ANKHD1: variants seen among roughly 807,000 people sequenced by gnomAD.
ANKHD1 encodes the protein ankyrin repeat and KH domain containing 1.
In ANKHD1, 31 loss-of-function variants were observed where a neutral mutation model predicts 230.5. The ratio of observed to expected loss-of-function variants is 0.13; its 90% CI spans 0.10 to 0.18. The LOEUF (loss-of-function observed/expected upper bound fraction) is 0.18, where lower values mean the gene tolerates loss of function less well. Among genes scored for constraint, ANKHD1 ranks in the 10% least tolerant of loss-of-function variants. The pLI is 1.00. For missense variants in ANKHD1, 2,256 were observed against 3,071.3 expected, an observed-to-expected ratio of 0.73 and a Z score of 6.27; for synonymous variants, 1,074 against 1,117.6, an observed-to-expected ratio of 0.96 and a Z score of 0.78.
rs1752074534 is a variant in ANKHD1 at position 140,497,275 on chromosome 5, G to A, written c.3001G>A (p.Ala1001Thr). Residue 1001 changes from alanine to threonine, a missense_variant, in exon 15 of 34, where the codon GCA becomes ACA. This residue lies in a region of ANKHD1 where 358 missense variants were observed against 397.7 expected (regional missense o/e 0.90). Transcript: ENST00000360839. ...TACCGACACTCTTGATGACCTGATA[G>A]CAGGTGGGTTAAGAAATATATCTGT... ...TLTDTLDDLI[A>T]AVSTRVPTGS... 2.3e-5 allele frequency: 36 copies of A among 1,598,224 alleles called. No individual in the cohort carries two copies. The highest frequency in any genetic ancestry group is 3.1e-5 in the Non-Finnish European group (36 of 1,177,824).
In ANKHD1 at chr5:140,528,037, T is replaced by C; in HGVS notation, c.5237+15T>C. Reference sequence around the variant, plus strand: ...ATCACAATAAGGTAATTGTGCAAAATGTATACTGCTAGTTCTGAGTAGAAA... The same window carrying C: ...ATCACAATAAGGTAATTGTGCAAAACGTATACTGCTAGTTCTGAGTAGAAA... On this transcript the variant is annotated intron_variant, in intron 28 of 33. Transcript: ENST00000360839. 1 of 1,612,494 alleles carries C rather than the reference T, an allele frequency of 6.2e-7. No homozygotes were observed. The highest frequency in any genetic ancestry group is 1.7e-4 in the Middle Eastern group (1 of 6,058).
chr5:140,505,342 G>A (rs898220916), intron 17 of ANKHD1, 109 bp downstream of exon 17: 17 of 1,224,812 alleles, frequency 1.4e-5, no homozygotes, highest in Non-Finnish European at 1.8e-5. Flanking sequence ...AGATGGATAA[G>A]TATATTTCAG....
chr5:140,518,222 C>T (rs1753137313), intron 24 of ANKHD1, among the ~76,000 whole-genome samples: 2 of 152,040 alleles, frequency 1.3e-5, no homozygotes, highest in African/African-American at 4.8e-5. Context: ...CATACACTCT[C>T]CCAAGACTAA....
chr5:140,466,423 G>A (rs1262422319), intron 10 of ANKHD1, among the ~76,000 whole-genome samples: 1 of 151,304 alleles, frequency 6.6e-6, no homozygotes, highest in Non-Finnish European at 1.5e-5. Context: ...AATTAAATAG[G>A]ATAAAAGAGG....
chr5:140,414,711 T>C (rs1771212612), intron 1 of ANKHD1, among the ~76,000 whole-genome samples: 1 of 151,948 alleles, frequency 6.6e-6, no homozygotes, highest in Non-Finnish European at 1.5e-5. Context: ...CACATGCCTG[T>C]AGTCCCAGCT....
chr5:140,526,242 G>T lies in ANKHD1; in HGVS notation c.4739G>T (p.Gly1580Val). 6.2e-7 allele frequency: 1 copy of T among 1,614,158 alleles called. No individual in the cohort carries two copies. Among genetic ancestry groups the T allele is most frequent in the African/African-American group, 1.3e-5 (1 of 75,044 alleles). ...QQKADKNKIN[G>V]EPRGGGAGGN... Reference sequence around the variant, plus strand: ...AAGGCAGATAAAAATAAAATAAATGGAGAACCTAGAGGTGGTGGTGCAGGT... The same window carrying T: ...AAGGCAGATAAAAATAAAATAAATGTAGAACCTAGAGGTGGTGGTGCAGGT... Residue 1580 changes from glycine (G) to valine (V), a missense_variant, in exon 26 of 34, where the codon GGA becomes GTA. Coordinates refer to ENST00000360839, the MANE Select transcript of ANKHD1 (RefSeq NM_017747.3).
intron 1 of ANKHD1, among the ~76,000 whole-genome samples, chr5:140,419,812 TTCTTTCTTTCTTTCTTTC>T (rs1186136976): frequency 2.1e-5 from 3 of 141,568 alleles, no homozygotes; most frequent in Admixed American, 7.0e-5. Context: ...CTTTCTTTCT[TTCTTTCTTTCTTTCTTTC>T]TTTCTTTTTC....
In ANKHD1 at chr5:140,528,294, C is replaced by G. The variant is rs755983798; in HGVS notation, c.5348C>G (p.Ala1783Gly). The G allele has an allele frequency of 6.2e-7, 1 of 1,613,890 alleles. No individual in the cohort carries two copies. Among genetic ancestry groups the G allele is most frequent in the South Asian group, 1.1e-5 (1 of 91,060 alleles). ...CCTAAAAATCATATCAGAACACCTG[C>G]CAGCACCAAATCAATTCATGCTAAC... ...LIPKNHIRTP[A>G]STKSIHANFS... The change falls in exon 29 of 34, where the codon GCC becomes GGC. Residue 1783 changes from alanine to glycine, a missense_variant. By Grantham distance (60) the Ala-to-Gly change is moderately conservative. This residue lies in a region of ANKHD1 where 778 missense variants were observed against 966.5 expected (regional missense o/e 0.80). Transcript: ENST00000360839.
At chr5:140,438,731 G>T in intron 3 of ANKHD1, 114 bp downstream of exon 3, 1 of 1,353,596 alleles carries the variant, frequency 7.4e-7, no homozygotes, top group Non-Finnish European at 9.8e-7. Flanking sequence ...TAGCTGAAAG[G>T]ATATTACATT....
intron 1 of ANKHD1, among the ~76,000 whole-genome samples, chr5:140,411,338 CTG>C (rs1301968889): frequency 6.6e-6 from 1 of 152,166 alleles, no homozygotes; most frequent in Non-Finnish European, 1.5e-5. Context: ...GCAGTCAAGA[CTG>C]AAAAATAGGC....
intron 24 of ANKHD1, among the ~76,000 whole-genome samples, chr5:140,516,340 A>G (rs376342374): frequency 6.6e-6 from 1 of 152,344 alleles, no homozygotes; most frequent in East Asian, 1.9e-4. Context: ...TGAAAGTGAC[A>G]GGGAGAATGG....
chr5:140,447,656 A>G (rs1447388837), intron 6 of ANKHD1, among the ~76,000 whole-genome samples: 6 of 152,224 alleles, frequency 3.9e-5, no homozygotes, highest in Admixed American at 6.5e-5. Flanking sequence ...TAGGGCTAGT[A>G]TGGCAGTTCC....
intron 29 of ANKHD1, among the ~76,000 whole-genome samples, chr5:140,531,580 GA>G (rs961355207): frequency 5.0e-4 from 72 of 143,612 alleles, no homozygotes; most frequent in East Asian, 6.0e-4. Context: ...AGACTGTCAG[GA>G]AAAAAAAAAA....
chr5:140,510,356 A>G (rs1752709461), intron 22 of ANKHD1, among the ~76,000 whole-genome samples, 175 bp downstream of exon 22: 1 of 129,090 alleles, frequency 7.7e-6, no homozygotes, highest in African/African-American at 3.0e-5. Flanking sequence ...TCTGTCACAT[A>G]GGCTAGAATG....
At chr5:140,514,436 G>A (rs567834502) in intron 24 of ANKHD1, among the ~76,000 whole-genome samples, 1 of 152,154 alleles carries the variant, frequency 6.6e-6, no homozygotes, top group South Asian at 2.1e-4. Flanking sequence ...AGAGGTTGCA[G>A]TGACCTGTGA....
chr5:140,532,422 G>C (rs1187368705), intron 29 of ANKHD1, among the ~76,000 whole-genome samples: 4 of 151,984 alleles, frequency 2.6e-5, no homozygotes, highest in South Asian at 2.1e-4. Flanking sequence ...TGATAGCTTA[G>C]GGGTGCAGAA....
At position 140,496,971 on chromosome 5, in the gene ANKHD1, T is replaced by C. The variant is rs547493435; in HGVS notation, c.2697T>C (p.Val899=). ...ATCACTTTTCAGAGTTACCTCAGGT[T>C]GACACAATCTTATTTAAAGATAATG... ...PEDHFSELPQ[V]DTILFKDNDV... Residue 899 remains valine (V), a synonymous_variant, in exon 15 of 34, where the codon GTT becomes GTC. Transcript: ENST00000360839. 3.1e-6 allele frequency: 5 copies of C among 1,614,144 alleles called. No homozygotes were observed. In the South Asian group the frequency reaches 5.5e-5, roughly 18 times the overall value.
intron 5 of ANKHD1, among the ~76,000 whole-genome samples, chr5:140,444,654 C>A (rs574376546): frequency 3.7e-4 from 57 of 152,146 alleles, no homozygotes; most frequent in African/African-American, 1.3e-3. Context: ...TTTAAAAAAA[C>A]AAACAAAAAA....
intron 7 of ANKHD1, among the ~76,000 whole-genome samples, chr5:140,455,324 A>T (rs1346094834): frequency 6.6e-6 from 1 of 152,212 alleles, no homozygotes; most frequent in Admixed American, 6.5e-5. Context: ...AAACTATTCC[A>T]ATCAATAGAA....
Sources: allele counts gnomAD v4.1 joint callset (sites outside exome capture counted in the v4.1 genomes callset), GRCh38; gene constraint gnomAD v4.1.1; regional missense constraint gnomAD v4.1.1; transcripts MANE v1.5; gene names NCBI Gene and HGNC (gene_info 2026-07-23, HGNC 2026-07-21).